The following DCAF17 variants were observed in gnomAD, a reference collection of about 807,000 sequenced individuals.
The protein encoded by DCAF17 is DDB1 and CUL4 associated factor 17.
In DCAF17, 48 loss-of-function variants were observed where a neutral mutation model predicts 66.0. That is an observed-to-expected ratio of 0.73 (90% CI 0.58 to 0.92). The LOEUF (loss-of-function observed/expected upper bound fraction) is 0.92. Among genes scored for constraint, DCAF17 ranks in the 40% least tolerant of loss-of-function variants. DCAF17 has a pLI of 0.00. For missense variants in DCAF17, 562 were observed against 622.8 expected (o/e 0.90, Z 1.04); for synonymous variants, 206 against 214.6 (o/e 0.96, Z 0.35).
At chr2:171,478,189 A>G in intron 12 of DCAF17, 119 bp downstream of exon 12, 1 of 849,534 alleles carries the variant, frequency 1.2e-6, no homozygotes, top group Non-Finnish European at 2.0e-6. Context: ...CAGGCAGGCC[A>G]GTTGGGTGGG....
At chr2:171,449,804 TA>T in intron 4 of DCAF17, 74 bp from the exon 5 acceptor site, 3 of 899,050 alleles carry the variant, frequency 3.3e-6, no homozygotes, top group Non-Finnish European at 5.0e-6. Context: ...AGTTTACTTA[TA>T]AAATATAATA....
rs1254886264 is a variant in DCAF17, at chr2:171,482,750, C to T, written c.*1636C>T. ...TTTTATGAAATGATAGTAAGGAACT[C>T]GTCTATTCTGAAAGGCATTTGAGAA... On this transcript the variant is annotated 3_prime_UTR_variant, in exon 14 of 14. Coordinates refer to ENST00000375255, the MANE Select transcript of DCAF17 (RefSeq NM_025000.4). 2.2e-6 allele frequency: 1 copy of T among 453,196 alleles called. No homozygotes were observed. Among genetic ancestry groups the T allele is most frequent in the Non-Finnish European group, 4.4e-6 (1 of 226,606 alleles). 28.1% of individuals were successfully genotyped at this position (453,196 alleles called of 1,614,324 possible).
In DCAF17 at chr2:171,482,180, G is replaced by T; in HGVS notation, c.*1066G>T. The T allele has an allele frequency of 2.2e-6, 1 of 451,830 alleles. No homozygotes were observed. The highest frequency in any genetic ancestry group is 4.4e-6 in the Non-Finnish European group (1 of 226,016). 28.0% of individuals were successfully genotyped at this position (451,830 alleles called of 1,614,324 possible). ...AAGTAAAGGGAGAAAATGTTTCTTT[G>T]TGCTTCCTGTTTGAGAAATTCAGTT... On this transcript the variant is annotated 3_prime_UTR_variant, in exon 14 of 14. Coordinates refer to ENST00000375255, the MANE Select transcript of DCAF17 (RefSeq NM_025000.4).
At chr2:171,453,007 A>G in intron 5 of DCAF17, 117 bp from the exon 6 acceptor site, 2 of 621,114 alleles carry the variant, frequency 3.2e-6, no homozygotes, top group Admixed American at 3.2e-5. Flanking sequence ...TGTTTTCATA[A>G]TATGAAAATG....
chr2:171,460,543 A>ATTATTATTATTT lies in DCAF17; in HGVS notation c.838+2066_838+2067insTTATTATTATTT, dbSNP rs1179035573. ...TATTATTATTATTATTATTATTATTAATTTTGAGACAGGGTCTCACTCTGT... is the reference window on the plus strand; with the variant it reads ...TATTATTATTATTATTATTATTATTATTATTATTATTTATTTTGAGACAGGGTCTCACTCTGT... On this transcript the variant is annotated intron_variant, in intron 8 of 13. Coordinates refer to ENST00000375255, the MANE Select transcript of DCAF17 (RefSeq NM_025000.4). 9.3e-3 allele frequency among the ~76,000 whole-genome samples: 1,265 copies of ATTATTATTATTT among 136,590 alleles called. 206 individuals are homozygous for ATTATTATTATTT. Among genetic ancestry groups the ATTATTATTATTT allele is most frequent in the African/African-American group, 0.018 (673 of 37,450 alleles). 89.6% of individuals were successfully genotyped at this position (136,590 alleles called of 152,430 possible).
intron 8 of DCAF17, 27 bp downstream of exon 8, chr2:171,458,504 A>C: frequency 1.9e-6 from 3 of 1,548,432 alleles, no homozygotes; most frequent in Non-Finnish European, 2.7e-6. Flanking sequence ...GTATTTTTTC[A>C]CCTTAAAAAA....
intron 8 of DCAF17, among the ~76,000 whole-genome samples, chr2:171,467,741 A>C (rs573689440): frequency 3.6e-4 from 54 of 150,680 alleles, no homozygotes; most frequent in African/African-American, 1.2e-3. Flanking sequence ...AAAAAAAAAA[A>C]AAAAAAAAAA....
rs1443617934 is a variant in DCAF17, at chr2:171,484,810, C to G, written c.*3696C>G. 2 of 453,978 alleles carry G rather than the reference C, an allele frequency of 4.4e-6. No homozygotes were observed. The highest frequency in any genetic ancestry group is 4.7e-5 in the Admixed American group (2 of 42,564). The allele number at this position is 453,978 out of a possible 1,614,324, so 28.1% of individuals were successfully genotyped here. On this transcript the variant is annotated 3_prime_UTR_variant, in exon 14 of 14. Transcript: ENST00000375255. ...CTTTTATATCAAAGGTTAAATTTAC[C>G]TGTTCTAAACTTCATATGAGTGAAA... is the stretch of plus-strand genomic sequence containing the variant.
At chr2:171,451,607 C>T (rs926648344) in intron 5 of DCAF17, among the ~76,000 whole-genome samples, 4 of 152,196 alleles carry the variant, frequency 2.6e-5, no homozygotes, top group African/African-American at 7.2e-5. Context: ...GACGGAGTCT[C>T]GCTTTGTTGC....
chr2:171,467,736 A>AC (rs1695998573), intron 8 of DCAF17, among the ~76,000 whole-genome samples: 1 of 119,570 alleles, frequency 8.4e-6, no homozygotes, highest in Non-Finnish European at 2.0e-5. Context: ...TCAAAAAAAA[A>AC]AAAAAAAAAA....
At chr2:171,438,102 G>GT (rs1308636732) in intron 2 of DCAF17, among the ~76,000 whole-genome samples, 2 of 152,120 alleles carry the variant, frequency 1.3e-5, no homozygotes, top group Non-Finnish European at 2.9e-5. Flanking sequence ...TTTCTCCTGG[G>GT]ACTTCTTTGA....
At chr2:171,454,068 G>C (rs935598466) in intron 6 of DCAF17, among the ~76,000 whole-genome samples, 2 of 151,888 alleles carry the variant, frequency 1.3e-5, no homozygotes, top group Admixed American at 1.3e-4. Flanking sequence ...TACTCAGAAG[G>C]CTGAGGCAGG....
At chr2:171,477,474 G>T (rs1234186965) in intron 11 of DCAF17, among the ~76,000 whole-genome samples, 1 of 151,974 alleles carries the variant, frequency 6.6e-6, no homozygotes, top group East Asian at 1.9e-4. Flanking sequence ...GCCCATTCTG[G>T]CATTTTAGCC....
intron 6 of DCAF17, among the ~76,000 whole-genome samples, chr2:171,455,651 T>C (rs1257252793): frequency 6.6e-6 from 1 of 152,236 alleles, no homozygotes; most frequent in African/African-American, 2.4e-5. Flanking sequence ...GTGTTTCCTT[T>C]TCTCCACAAC....
At chr2:171,463,654 T>C (rs1405716798) in intron 8 of DCAF17, among the ~76,000 whole-genome samples, 1 of 152,262 alleles carries the variant, frequency 6.6e-6, no homozygotes, top group Non-Finnish European at 1.5e-5. Context: ...TTCCCTACTT[T>C]GGACATTTAG....
At chr2:171,462,812 CATT>C (rs1248142973) in intron 8 of DCAF17, among the ~76,000 whole-genome samples, 3 of 152,032 alleles carry the variant, frequency 2.0e-5, no homozygotes, top group African/African-American at 7.2e-5. Flanking sequence ...TGGTAAGTGA[CATT>C]AGTATTATTA....
chr2:171,479,891 A>G, intron 12 of DCAF17, 147 bp from the exon 13 acceptor site: 1 of 867,402 alleles, frequency 1.2e-6, no homozygotes. Context: ...AAACAGATAC[A>G]TTTCTACCTA....
chr2:171,455,073 A>T (rs1161755836), intron 6 of DCAF17, among the ~76,000 whole-genome samples: 1 of 151,482 alleles, frequency 6.6e-6, no homozygotes, highest in Non-Finnish European at 1.5e-5. Context: ...AGATTATTTC[A>T]TTCCTCAGGT....
intron 8 of DCAF17, among the ~76,000 whole-genome samples, chr2:171,460,844 G>T (rs1286531368): frequency 1.3e-5 from 2 of 152,004 alleles, no homozygotes; most frequent in Non-Finnish European, 2.9e-5. Context: ...CTGATAGTGG[G>T]CAAGTTATTT....
Sources: gnomAD v4.1 joint callset for allele counts (sites outside exome capture counted in the v4.1 genomes callset) on GRCh38, gnomAD v4.1.1 for gene constraint, MANE v1.5 for transcripts, NCBI Gene and HGNC (gene_info 2026-07-23, HGNC 2026-07-21) for gene names.